The following CNTN5 variants were observed in gnomAD, a reference collection of about 807,000 sequenced individuals.
CNTN5 encodes the protein contactin 5, also known as contactin-5.
Under a neutral mutation model 129.1 loss-of-function variants are expected in CNTN5, and 77 were observed. The observed-to-expected ratio is 0.60, with a 90% CI of 0.50 to 0.72. The LOEUF is 0.72. Among genes scored for constraint, CNTN5 ranks in the 30% least tolerant of loss-of-function variants. CNTN5 has a pLI of 0.00. For synonymous variants in CNTN5, 509 were observed against 465.6 expected (o/e 1.09, Z -1.20); for missense variants, 1,478 against 1,328.8 (o/e 1.11, Z -1.75).
At chr11:100,074,116 T>C in intron 12 of CNTN5, 28 bp from the exon 13 acceptor site, 1 of 1,596,522 alleles carries the variant, frequency 6.3e-7, no homozygotes, top group Admixed American at 1.8e-5. Context: ...TTGCTTCTGG[T>C]AGAAACTAAC....
intron 2 of CNTN5, among the ~76,000 whole-genome samples, chr11:99,432,605 T>C (rs550028334): frequency 2.0e-5 from 3 of 151,900 alleles, no homozygotes; most frequent in East Asian, 1.9e-4. Flanking sequence ...ATATCTCTCT[T>C]GGGTGAGGAA....
chr11:99,611,331 T>C (rs924334149), intron 3 of CNTN5, among the ~76,000 whole-genome samples: 1 of 152,166 alleles, frequency 6.6e-6, no homozygotes, highest in African/African-American at 2.4e-5. Flanking sequence ...AACCCACCAG[T>C]ATTTAGAGAT....
intron 15 of CNTN5, among the ~76,000 whole-genome samples, chr11:100,223,421 T>C: frequency 6.6e-6 from 1 of 152,156 alleles, no homozygotes; most frequent in East Asian, 1.9e-4. Context: ...AAGTTCACAA[T>C]GACTTTGCAC....
intron 21 of CNTN5, among the ~76,000 whole-genome samples, chr11:100,338,704 A>T (rs1347712319): frequency 6.6e-6 from 1 of 152,156 alleles, no homozygotes; most frequent in Non-Finnish European, 1.5e-5. Flanking sequence ...GAACAGGCAC[A>T]TGTGGATAAA....
chr11:99,858,416 G>A (rs1394990031), intron 6 of CNTN5, among the ~76,000 whole-genome samples: 1 of 151,908 alleles, frequency 6.6e-6, no homozygotes, highest in Non-Finnish European at 1.5e-5. Context: ...TATAATGTCT[G>A]GTATGGAACT....
chr11:99,406,260 C>A (rs577035653), intron 2 of CNTN5, among the ~76,000 whole-genome samples: 35 of 152,150 alleles, frequency 2.3e-4, no homozygotes, highest in African/African-American at 8.0e-4. Flanking sequence ...CTTGAAGGGG[C>A]ACCCCAAGCC....
At chr11:100,137,967 C>T (rs999907283) in intron 13 of CNTN5, among the ~76,000 whole-genome samples, 9 of 151,276 alleles carry the variant, frequency 5.9e-5, no homozygotes, top group African/African-American at 2.2e-4. Flanking sequence ...TTGACACTGG[C>T]GATGAACTTG....
At position 100,315,704 on chromosome 11, in the gene CNTN5, A is replaced by C. The variant is rs138331615; in HGVS notation, c.2730+7236A>C. On this transcript the variant is annotated intron_variant, in intron 21 of 24. Coordinates refer to ENST00000524871, the MANE Select transcript of CNTN5 (RefSeq NM_014361.4). ...TGAAGAAATAAGAAAAAAAAATATG[A>C]AATTCCAAATGTAGACATTAATCCA... Among the ~76,000 whole-genome samples, 158 of 152,332 alleles carry C rather than the reference A, an allele frequency of 1.0e-3. 1 individual carries two copies. The highest frequency in any genetic ancestry group is 3.4e-3 in the Middle Eastern group (1 of 294).
rs186919128 is a variant in CNTN5, at chr11:99,452,358, A to G, written c.-70-103787A>G. ...AGCTAAAGAAAAAATTGAAGTTTATATCTAAACACAGGTGTTTTTTTTTTT... is the reference window on the plus strand; with the variant it reads ...AGCTAAAGAAAAAATTGAAGTTTATGTCTAAACACAGGTGTTTTTTTTTTT... On this transcript the variant is annotated intron_variant, in intron 2 of 24. Coordinates refer to ENST00000524871, the MANE Select transcript of CNTN5 (RefSeq NM_014361.4). 2.8e-4 allele frequency among the ~76,000 whole-genome samples: 41 copies of G among 148,134 alleles called. 1 individual carries two copies. The highest frequency in any genetic ancestry group is 9.6e-4 in the African/African-American group (39 of 40,424).
At chr11:99,977,677 G>T (rs1938076968) in intron 8 of CNTN5, among the ~76,000 whole-genome samples, 1 of 152,088 alleles carries the variant, frequency 6.6e-6, no homozygotes, top group Non-Finnish European at 1.5e-5. Flanking sequence ...CAGCACTAGG[G>T]GGATGGTGCT....
At chr11:99,758,323 T>A (rs368446890) in intron 3 of CNTN5, among the ~76,000 whole-genome samples, 1 of 152,044 alleles carries the variant, frequency 6.6e-6, no homozygotes, top group Non-Finnish European at 1.5e-5. Flanking sequence ...TTAGGAATTA[T>A]GAAAAACAGA....
intron 2 of CNTN5, among the ~76,000 whole-genome samples, chr11:99,487,501 T>C (rs756464833): frequency 6.6e-5 from 10 of 152,168 alleles, no homozygotes; most frequent in Non-Finnish European, 1.2e-4. Flanking sequence ...AAATATTCAC[T>C]TATAACCTGG....
intron 2 of CNTN5, among the ~76,000 whole-genome samples, chr11:99,366,260 C>T (rs960894561): frequency 2.7e-5 from 4 of 150,882 alleles, no homozygotes; most frequent in African/African-American, 7.2e-5. Context: ...GTGATTTCCA[C>T]ATGTGGTTAA....
chr11:99,727,299 C>G (rs1279098581), intron 3 of CNTN5, among the ~76,000 whole-genome samples: 1 of 40,778 alleles, frequency 2.5e-5, no homozygotes, highest in South Asian at 1.4e-3. Flanking sequence ...GGCGACAGAG[C>G]GAGACTCCGT....
At chr11:99,786,003 A>G (rs982908632) in intron 3 of CNTN5, among the ~76,000 whole-genome samples, 1 of 151,962 alleles carries the variant, frequency 6.6e-6, no homozygotes, top group African/African-American at 2.4e-5. Context: ...AGTTTTGGCA[A>G]GGGCAATCAG....
chr11:99,183,975 T>G (rs1015578201), intron 1 of CNTN5, among the ~76,000 whole-genome samples: 2 of 152,114 alleles, frequency 1.3e-5, no homozygotes, highest in African/African-American at 4.8e-5. Flanking sequence ...GAATGAAGAC[T>G]TACAAATTTT....
chr11:99,496,597 G>C (rs944872871), intron 2 of CNTN5, among the ~76,000 whole-genome samples: 18 of 152,180 alleles, frequency 1.2e-4, no homozygotes, highest in Non-Finnish European at 8.8e-5. Context: ...TTCCCAGATA[G>C]ATAGATCAGT....
At chr11:99,538,426 G>C (rs1486800434) in intron 2 of CNTN5, among the ~76,000 whole-genome samples, 1 of 152,010 alleles carries the variant, frequency 6.6e-6, no homozygotes, top group Non-Finnish European at 1.5e-5. Context: ...GTGTATATTA[G>C]CGCTAATTAT....
chr11:99,547,951 G>T (rs954463), intron 2 of CNTN5, among the ~76,000 whole-genome samples: 2 of 151,966 alleles, frequency 1.3e-5, no homozygotes, highest in Non-Finnish European at 2.9e-5. Context: ...CCCCAGCTTC[G>T]TTATCTGTAA....
Sources: allele counts gnomAD v4.1 joint callset (sites outside exome capture counted in the v4.1 genomes callset), GRCh38; gene constraint gnomAD v4.1.1; transcripts MANE v1.5; gene names NCBI Gene and HGNC (gene_info 2026-07-23, HGNC 2026-07-21).